Variants in DIP2C observed in about 807,000 individuals in gnomAD.
DIP2C encodes disco-interacting protein 2 homolog C.
In DIP2C, 33 loss-of-function variants were observed where a neutral mutation model predicts 192.4. That is an observed-to-expected ratio of 0.17 (90% CI 0.13 to 0.23). DIP2C has a LOEUF of 0.23. Ranked by LOEUF, DIP2C falls within the 10% of genes least tolerant of loss-of-function variation. The pLI is 1.00. For synonymous variants in DIP2C, 979 were observed against 864.1 expected (o/e 1.13, Z -2.33); for missense variants, 1,537 against 2,110.1 (o/e 0.73, Z 5.32).
intron 8 of DIP2C, among the ~76,000 whole-genome samples, chr10:409,540 T>C (rs1965043943): frequency 1.3e-5 from 2 of 152,196 alleles, no homozygotes; most frequent in African/African-American, 4.8e-5. Flanking sequence ...CCCCTCTTAG[T>C]GCATGAAGTG....
chr10:365,056 C>G (rs766341397), intron 19 of DIP2C: 2 of 524,548 alleles, frequency 3.8e-6, no homozygotes, highest in African/African-American at 3.9e-5. Flanking sequence ...CAAATCAGAT[C>G]AGTTCAAACT....
intron 17 of DIP2C, 47 bp from the exon 18 acceptor site, chr10:369,680 T>A (rs762805547): frequency 6.2e-7 from 1 of 1,613,526 alleles, no homozygotes; most frequent in African/African-American, 1.3e-5. Flanking sequence ...AGATAAGCCA[T>A]CACAATCACA....
At chr10:590,692 T>TA (rs1347841147) in intron 1 of DIP2C, among the ~76,000 whole-genome samples, 22 of 152,190 alleles carry the variant, frequency 1.4e-4, no homozygotes, top group African/African-American at 5.1e-4. Context: ...TAGACGGGTT[T>TA]TTACTTTACA....
At chr10:608,156 A>AC (rs1174487974) in intron 1 of DIP2C, among the ~76,000 whole-genome samples, 1 of 13,820 alleles carries the variant, frequency 7.2e-5, no homozygotes, top group South Asian at 3.6e-3. Flanking sequence ...CCCCACACAC[A>AC]CCCCCACAGC....
chr10:597,693 A>G (rs1851798325), intron 1 of DIP2C, among the ~76,000 whole-genome samples: 2 of 152,362 alleles, frequency 1.3e-5, no homozygotes, highest in African/African-American at 4.8e-5. Flanking sequence ...TAGGCCTACT[A>G]ACAATTACGT....
Position 276,695 on chromosome 10 carries a change from A to G in DIP2C, c.*630T>C, listed in dbSNP as rs1954536094. On this transcript the variant is annotated 3_prime_UTR_variant, in exon 37 of 37. Coordinates refer to ENST00000280886, the MANE Select transcript of DIP2C (RefSeq NM_014974.3). ...AATTGCCGAAATACACCTTATTTATAATTTCTTCTCATTCTATACTAACTT... is the reference window on the plus strand; with the variant it reads ...AATTGCCGAAATACACCTTATTTATGATTTCTTCTCATTCTATACTAACTT... The G allele has an allele frequency of 6.5e-6, 1 of 152,710 alleles. No homozygotes were observed. Among genetic ancestry groups the G allele is most frequent in the Non-Finnish European group, 1.5e-5 (1 of 68,080 alleles). 9.5% of individuals were successfully genotyped at this position (152,710 alleles called of 1,614,324 possible). A position where few individuals can be genotyped will look rare whatever the true frequency, so the allele number is the denominator to read the frequency against.
rs59188084 is a variant in DIP2C, at chr10:548,442, TGGAGGGAG to T, written c.86-61920_86-61913del. Among the ~76,000 whole-genome samples the T allele has an allele frequency of 5.5e-4, 32 of 58,124 alleles. No individual in the cohort carries two copies. In the South Asian group the frequency reaches 0.01, roughly 19 times the overall value. 38.1% of individuals were successfully genotyped at this position (58,124 alleles called of 152,430 possible). On this transcript the variant is annotated intron_variant, in intron 1 of 36. Coordinates refer to ENST00000280886, the MANE Select transcript of DIP2C (RefSeq NM_014974.3). ...GCAGGAGCCGCGGAGGCCACCGGGA[TGGAGGGAG>T]GGAGGGAGGGAGGGAGGCAGGCAGG...
At chr10:492,335 C>T (rs949741743) in intron 1 of DIP2C, among the ~76,000 whole-genome samples, 3 of 152,206 alleles carry the variant, frequency 2.0e-5, no homozygotes, top group Non-Finnish European at 2.9e-5. Context: ...CTGGCCCTGC[C>T]GCCTTGGCCA....
intron 17 of DIP2C, among the ~76,000 whole-genome samples, chr10:373,319 A>T (rs891206299): frequency 1.3e-5 from 2 of 152,196 alleles, no homozygotes; most frequent in African/African-American, 4.8e-5. Context: ...TTCTGCTCCA[A>T]TCCTATGCCC....
At position 362,472 on chromosome 10, in the gene DIP2C, C is replaced by G. The variant is rs868716775; in HGVS notation, c.2794+18G>C. The G allele has an allele frequency of 6.2e-7, 1 of 1,611,668 alleles. No individual in the cohort carries two copies. The highest frequency in any genetic ancestry group is 2.2e-5 in the East Asian group (1 of 44,886). On this transcript the variant is annotated intron_variant, in intron 22 of 36. Transcript: ENST00000280886. ...GGGAACTCCCGCACCTCACAAGCTG[C>G]CCAAGTGGTGCACATACCTGGCTGC... is the stretch of plus-strand genomic sequence containing the variant.
At chr10:404,717 GA>G (rs1179139807) in intron 9 of DIP2C, among the ~76,000 whole-genome samples, 1 of 152,210 alleles carries the variant, frequency 6.6e-6, no homozygotes, top group Non-Finnish European at 1.5e-5. Context: ...TTAAGTTGTA[GA>G]TTCTATGAAT....
intron 9 of DIP2C, among the ~76,000 whole-genome samples, chr10:407,148 C>T (rs114921880): frequency 3.0e-3 from 459 of 152,322 alleles, no homozygotes; most frequent in African/African-American, 6.7e-3. Flanking sequence ...TTGCAATCCC[C>T]GTCTAGACAA....
At chr10:533,705 T>G (rs1305297488) in intron 1 of DIP2C, among the ~76,000 whole-genome samples, 2 of 149,766 alleles carry the variant, frequency 1.3e-5, no homozygotes, top group Non-Finnish European at 3.0e-5. Context: ...GGGAAATTTC[T>G]CATGGACAGA....
chr10:406,175 G>A (rs1479568280), intron 9 of DIP2C, among the ~76,000 whole-genome samples: 2 of 152,198 alleles, frequency 1.3e-5, no homozygotes, highest in African/African-American at 4.8e-5. Flanking sequence ...CAACTCTTAA[G>A]ACTACAAACC....
chr10:686,350 C>G (rs867482058), intron 1 of DIP2C, among the ~76,000 whole-genome samples: 2 of 151,930 alleles, frequency 1.3e-5, no homozygotes, highest in African/African-American at 2.4e-5. Context: ...GCCTTCCCCC[C>G]ACGTGGTCTC....
chr10:358,040 A>G (rs1056201898), intron 22 of DIP2C, 103 bp from the exon 23 acceptor site: 2 of 768,608 alleles, frequency 2.6e-6, no homozygotes, highest in Non-Finnish European at 4.2e-6. Context: ...AACTTCTGGA[A>G]AGACCTGGCT....
chr10:590,924 G>T (rs1588539749), intron 1 of DIP2C, among the ~76,000 whole-genome samples: 1 of 149,262 alleles, frequency 6.7e-6, no homozygotes, highest in Non-Finnish European at 1.5e-5. Context: ...TTCCCCCCTC[G>T]GTCTCCGAGC....
Position 353,863 on chromosome 10 carries a change from A to G in DIP2C, c.2985+2563T>C, listed in dbSNP as rs148121158. 2.6e-3 allele frequency among the ~76,000 whole-genome samples: 394 copies of G among 152,312 alleles called. 2 individuals are homozygous for G. The highest frequency in any genetic ancestry group is 9.0e-3 in the African/African-American group (373 of 41,562). The stretch of plus-strand genomic sequence containing the variant: ...AATTTCATGTTTCTTCTTCCTTTTT[A>G]AAATCTTGCTTTTAGAAAATGCATG... On this transcript the variant is annotated intron_variant, in intron 24 of 36. Transcript: ENST00000280886.
intron 1 of DIP2C, among the ~76,000 whole-genome samples, chr10:582,611 A>G (rs1850738421): frequency 6.6e-6 from 1 of 152,140 alleles, no homozygotes; most frequent in Non-Finnish European, 1.5e-5. Context: ...AAAAACCAAC[A>G]GAAACTGGAT....
Sources: allele counts gnomAD v4.1 joint callset (sites outside exome capture counted in the v4.1 genomes callset), GRCh38; gene constraint gnomAD v4.1.1; transcripts MANE v1.5; gene names NCBI Gene and HGNC (gene_info 2026-07-23, HGNC 2026-07-21).